Variants in DPF3 observed in about 807,000 individuals in gnomAD.
DPF3 encodes zinc finger protein DPF3.
DPF3 carries 18 observed loss-of-function variants against 56.8 expected under a neutral mutation model. The ratio of observed to expected loss-of-function variants is 0.32; its 90% CI spans 0.22 to 0.47. The LOEUF is 0.47. Ranked by LOEUF, DPF3 falls within the 20% of genes least tolerant of loss-of-function variation. The pLI is 1.00. For synonymous variants in DPF3, 188 were observed against 180.2 expected (o/e 1.04, Z -0.35); for missense variants, 403 against 488.8 (o/e 0.82, Z 1.65).
chr14:72,671,700 G>A (rs1404098206), intron 8 of DPF3, among the ~76,000 whole-genome samples: 1 of 152,208 alleles, frequency 6.6e-6, no homozygotes, highest in Admixed American at 6.5e-5. Context: ...TTTAAGCCTG[G>A]TTGGGATTTC....
In DPF3 at chr14:72,619,309, G is replaced by A; in HGVS notation, c.1125C>T (p.Gly375=). The A allele has an allele frequency of 3.9e-6, 6 of 1,536,134 alleles. No individual in the cohort carries two copies. Among genetic ancestry groups the A allele is most frequent in the Non-Finnish European group, 5.2e-6 (6 of 1,146,896 alleles). The stretch of plus-strand genomic sequence containing the variant: ...GTGACCTGGGGCCCTAGGCCTGGCA[G>A]CCAAAGGCTGAGGCTTTCTCTTTGA... ...ELLKEKASAF[G]CQA The change falls in exon 11 of 11, where the codon GGC becomes GGT. Residue 375 remains glycine (G), a synonymous_variant. Transcript: ENST00000556509.
intron 8 of DPF3, among the ~76,000 whole-genome samples, chr14:72,648,453 C>T (rs1279646557): frequency 4.0e-5 from 6 of 150,332 alleles, no homozygotes; most frequent in African/African-American, 1.5e-4. Flanking sequence ...CCCAGCTACT[C>T]GGGAGGCTGA....
chr14:72,733,181 T>C (rs1377170201), intron 3 of DPF3, among the ~76,000 whole-genome samples: 1 of 152,182 alleles, frequency 6.6e-6, no homozygotes, highest in African/African-American at 2.4e-5. Context: ...CCTCTGATCC[T>C]GGACCTCATA....
Position 72,731,951 on chromosome 14 carries a change from G to A in DPF3, c.302-17C>T, listed in dbSNP as rs1277933572. ...GCTCCACTTCTGAAAAACAAAGATAGAAAGGCAGGTCAGGCCACTAGAAGC... is the reference window on the plus strand; with the variant it reads ...GCTCCACTTCTGAAAAACAAAGATAAAAAGGCAGGTCAGGCCACTAGAAGC... On this transcript the variant is annotated splice_polypyrimidine_tract_variant and intron_variant, in intron 3 of 10. Coordinates refer to ENST00000556509, the MANE Select transcript of DPF3 (RefSeq NM_001280542.3). 6.4e-6 allele frequency: 10 copies of A among 1,566,624 alleles called. No homozygotes were observed. The highest frequency in any genetic ancestry group is 8.7e-6 in the Non-Finnish European group (10 of 1,155,794).
At chr14:72,862,211 C>A (rs141450306) in intron 1 of DPF3, among the ~76,000 whole-genome samples, 3 of 152,144 alleles carry the variant, frequency 2.0e-5, no homozygotes, top group Non-Finnish European at 4.4e-5. Flanking sequence ...CCTAACCCCC[C>A]CTGCATGCTA....
At chr14:72,755,086 C>A (rs912690724) in intron 2 of DPF3, among the ~76,000 whole-genome samples, 7 of 152,232 alleles carry the variant, frequency 4.6e-5, no homozygotes, top group African/African-American at 1.7e-4. Flanking sequence ...GAGCCCCCTG[C>A]ACCCCCTCTC....
At chr14:72,710,956 T>C (rs936467187) in intron 6 of DPF3, among the ~76,000 whole-genome samples, 1 of 152,190 alleles carries the variant, frequency 6.6e-6, no homozygotes, top group African/African-American at 2.4e-5. Flanking sequence ...AGAAATTCAA[T>C]GACTGAGTAA....
intron 1 of DPF3, among the ~76,000 whole-genome samples, chr14:72,861,176 C>T (rs1033749978): frequency 1.3e-5 from 2 of 152,028 alleles, no homozygotes; most frequent in African/African-American, 4.8e-5. Context: ...CTCCCTCTCT[C>T]GCTCACTCTG....
intron 3 of DPF3, among the ~76,000 whole-genome samples, chr14:72,733,335 G>T (rs1889753549): frequency 6.6e-6 from 1 of 152,126 alleles, no homozygotes; most frequent in Admixed American, 6.5e-5. Context: ...TTAGTGTAGG[G>T]ACTATTTACA....
chr14:72,816,479 A>C (rs1416697271), intron 1 of DPF3, among the ~76,000 whole-genome samples: 3 of 152,192 alleles, frequency 2.0e-5, no homozygotes, highest in African/African-American at 7.2e-5. Context: ...AGCCAAGATC[A>C]GAACCTTACC....
chr14:72,843,385 C>T (rs567368130), intron 1 of DPF3, among the ~76,000 whole-genome samples: 6 of 152,052 alleles, frequency 3.9e-5, no homozygotes, highest in South Asian at 4.2e-4. Context: ...GGGAAAAAGG[C>T]GTAGTTAATT....
chr14:72,781,216 C>T (rs370863821), intron 1 of DPF3, among the ~76,000 whole-genome samples: 21 of 152,306 alleles, frequency 1.4e-4, no homozygotes, highest in African/African-American at 4.8e-4. Flanking sequence ...GCATGGATTA[C>T]CCTGGCAGCA....
chr14:72,714,033 C>T (rs113557254), intron 6 of DPF3, among the ~76,000 whole-genome samples: 6 of 152,282 alleles, frequency 3.9e-5, no homozygotes, highest in African/African-American at 1.4e-4. Flanking sequence ...GAGCCAAGTA[C>T]CTTTGTCGGA....
chr14:72,731,781 G>A (rs1321471369), intron 4 of DPF3, 26 bp downstream of exon 4: 1 of 1,612,508 alleles, frequency 6.2e-7, no homozygotes, highest in Non-Finnish European at 8.5e-7. Flanking sequence ...AACACTCTGT[G>A]GGGTCCCCAG....
In DPF3 at chr14:72,827,488, C is replaced by CTTTTT. The variant is rs1182260007; in HGVS notation, c.33-55600_33-55596dup. ...GTACTCAACAACCATTCCCTTTACTCTTTTTTTTTTTTTTTTTTTTTTTTT... is the reference window on the plus strand; with the variant it reads ...GTACTCAACAACCATTCCCTTTACTCTTTTTTTTTTTTTTTTTTTTTTTTTTTTTT... On this transcript the variant is annotated intron_variant, in intron 1 of 10. Coordinates refer to ENST00000556509, the MANE Select transcript of DPF3 (RefSeq NM_001280542.3). Among the ~76,000 whole-genome samples the CTTTTT allele has an allele frequency of 1.7e-4, 13 of 78,280 alleles. 2 individuals carry two copies. Among genetic ancestry groups the CTTTTT allele is most frequent in the African/African-American group, 5.9e-4 (11 of 18,652 alleles). 51.4% of individuals were successfully genotyped at this position (78,280 alleles called of 152,430 possible).
intron 1 of DPF3, among the ~76,000 whole-genome samples, chr14:72,873,323 T>C (rs933775487): frequency 1.3e-5 from 2 of 152,214 alleles, no homozygotes; most frequent in African/African-American, 4.8e-5. Flanking sequence ...CATGAAACAA[T>C]GCTCATCATC....
At chr14:72,795,287 A>ATAT (rs1371528147) in intron 1 of DPF3, among the ~76,000 whole-genome samples, 15 of 124,970 alleles carry the variant, frequency 1.2e-4, no homozygotes, top group Admixed American at 4.1e-4. Flanking sequence ...CAAAAAAAAA[A>ATAT]AAAAAAAAAT....
intron 2 of DPF3, among the ~76,000 whole-genome samples, chr14:72,765,182 T>G (rs1487966591): frequency 1.3e-5 from 2 of 152,226 alleles, no homozygotes; most frequent in African/African-American, 4.8e-5. Context: ...GAATGCAAGT[T>G]GAAACTGCAA....
At chr14:72,697,078 G>T (rs927210312) in intron 6 of DPF3, among the ~76,000 whole-genome samples, 1 of 148,764 alleles carries the variant, frequency 6.7e-6, no homozygotes, top group East Asian at 2.0e-4. Flanking sequence ...GTTATTAGCA[G>T]AATCAGGACC....
Sources: allele counts gnomAD v4.1 joint callset (sites outside exome capture counted in the v4.1 genomes callset), GRCh38; gene constraint gnomAD v4.1.1; transcripts MANE v1.5; gene names NCBI Gene and HGNC (gene_info 2026-07-23, HGNC 2026-07-21).